ATRNL1: variants seen among roughly 807,000 people sequenced by gnomAD.
ATRNL1 encodes the protein attractin-like protein 1.
ATRNL1 carries 95 observed loss-of-function variants against 182.7 expected under a neutral mutation model. The ratio of observed to expected loss-of-function variants is 0.52; its 90% CI spans 0.44 to 0.62. The LOEUF (loss-of-function observed/expected upper bound fraction) is 0.62. Among genes scored for constraint, ATRNL1 ranks in the 20% least tolerant of loss-of-function variants. ATRNL1 has a pLI of 0.00. For missense variants in ATRNL1, 1,471 were observed against 1,679.5 expected, an observed-to-expected ratio of 0.88 and a Z score of 2.17; for synonymous variants, 576 against 568.3, an observed-to-expected ratio of 1.01 and a Z score of -0.19.
intron 24 of ATRNL1, among the ~76,000 whole-genome samples, chr10:115,500,766 C>T (rs1033809909): frequency 2.6e-5 from 4 of 151,934 alleles, no homozygotes; most frequent in African/African-American, 9.7e-5. Flanking sequence ...GTCTCGAACT[C>T]CCGACCTCAG....
At chr10:115,598,415 G>T (rs1417807490) in intron 26 of ATRNL1, among the ~76,000 whole-genome samples, 2 of 146,330 alleles carry the variant, frequency 1.4e-5, no homozygotes. Flanking sequence ...CCTGGCTGGG[G>T]TGCAGAGGCG....
chr10:115,944,599 C>G, intron 28 of ATRNL1, 59 bp from the exon 29 acceptor site: 1 of 1,488,032 alleles, frequency 6.7e-7, no homozygotes, highest in South Asian at 1.4e-5. Context: ...TTCACCACCA[C>G]TGTTGCCATC....
chr10:115,608,541 C>G (rs1555018156), intron 26 of ATRNL1, among the ~76,000 whole-genome samples: 2 of 151,980 alleles, frequency 1.3e-5, no homozygotes, highest in African/African-American at 4.8e-5. Flanking sequence ...ACAGTGGATT[C>G]ATTGTTATTA....
At chr10:115,294,243 G>A (rs981248006) in intron 15 of ATRNL1, among the ~76,000 whole-genome samples, 1 of 152,108 alleles carries the variant, frequency 6.6e-6, no homozygotes, top group Admixed American at 6.5e-5. Flanking sequence ...TAGCTACTTG[G>A]GACACTGAAG....
At chr10:115,429,043 T>G (rs1324571467) in intron 21 of ATRNL1, among the ~76,000 whole-genome samples, 5 of 152,056 alleles carry the variant, frequency 3.3e-5, no homozygotes, top group African/African-American at 4.8e-5. Context: ...CATTCTAGAG[T>G]GTGTATAGTG....
At chr10:115,184,392 G>A (rs1554888373) in intron 8 of ATRNL1, among the ~76,000 whole-genome samples, 1 of 150,314 alleles carries the variant, frequency 6.7e-6, no homozygotes, top group Non-Finnish European at 1.5e-5. Context: ...ACACAACTAT[G>A]TATATAACTA....
intron 8 of ATRNL1, among the ~76,000 whole-genome samples, chr10:115,173,190 A>G (rs782174608): frequency 2.0e-5 from 3 of 152,004 alleles, no homozygotes; most frequent in Non-Finnish European, 2.9e-5. Flanking sequence ...ACTCATGACA[A>G]CGTTGAGGCA....
At chr10:115,706,913 C>T (rs1405793508) in intron 26 of ATRNL1, among the ~76,000 whole-genome samples, 2 of 151,850 alleles carry the variant, frequency 1.3e-5, no homozygotes, top group Admixed American at 6.6e-5. Flanking sequence ...AACAACTAAG[C>T]ATGCTTCTAT....
chr10:115,325,323 A>C (rs79623528), intron 18 of ATRNL1, among the ~76,000 whole-genome samples: 2,109 of 152,254 alleles, frequency 0.014, 43 homozygotes, highest in African/African-American at 0.047. Context: ...TCTTATGTGC[A>C]AGCTGACATT....
chr10:115,894,631 G>T (rs1555112047), intron 28 of ATRNL1, among the ~76,000 whole-genome samples: 3 of 152,184 alleles, frequency 2.0e-5, no homozygotes, highest in Admixed American at 6.5e-5. Flanking sequence ...TCTTATGAAA[G>T]AAATTTTTAT....
At chr10:115,877,845 T>C (rs1589637958) in intron 28 of ATRNL1, among the ~76,000 whole-genome samples, 1 of 152,352 alleles carries the variant, frequency 6.6e-6, no homozygotes, top group East Asian at 1.9e-4. Flanking sequence ...TTCAAAAATA[T>C]TAACTAAGTC....
At chr10:115,637,317 G>A (rs528086043) in intron 26 of ATRNL1, among the ~76,000 whole-genome samples, 3 of 151,962 alleles carry the variant, frequency 2.0e-5, no homozygotes, top group Non-Finnish European at 4.4e-5. Flanking sequence ...AAGACATTCC[G>A]GTGTAATAAG....
intron 27 of ATRNL1, among the ~76,000 whole-genome samples, chr10:115,824,089 A>G (rs1488688920): frequency 3.3e-5 from 5 of 152,228 alleles, no homozygotes; most frequent in Non-Finnish European, 5.9e-5. Flanking sequence ...TATGTAGACC[A>G]ATGGAACAGA....
intron 27 of ATRNL1, among the ~76,000 whole-genome samples, chr10:115,804,877 A>G (rs138444764): frequency 0.013 from 2,036 of 152,282 alleles, 25 homozygotes; most frequent in Non-Finnish European, 0.02. Flanking sequence ...ATATATCTTA[A>G]TTTCTTTTAA....
chr10:115,723,174 A>G (rs1215881049), intron 26 of ATRNL1, among the ~76,000 whole-genome samples: 1 of 152,336 alleles, frequency 6.6e-6, no homozygotes, highest in Non-Finnish European at 1.5e-5. Context: ...CAAATAATTC[A>G]TAGAAGAGGT....
At chr10:115,733,913 GA>G (rs1420344022) in intron 27 of ATRNL1, among the ~76,000 whole-genome samples, 2 of 151,906 alleles carry the variant, frequency 1.3e-5, no homozygotes, top group Non-Finnish European at 2.9e-5. Context: ...TTCAGTGCCA[GA>G]ACTTTTATTT....
At chr10:115,183,748 T>C (rs1847834611) in intron 8 of ATRNL1, among the ~76,000 whole-genome samples, 2 of 151,556 alleles carry the variant, frequency 1.3e-5, no homozygotes, top group Admixed American at 1.3e-4. Flanking sequence ...CTGGATAGTC[T>C]CAATGCTATG....
At chr10:115,302,628 T>C (rs566857910) in intron 17 of ATRNL1, among the ~76,000 whole-genome samples, 1 of 152,348 alleles carries the variant, frequency 6.6e-6, no homozygotes, top group South Asian at 2.1e-4. Flanking sequence ...CTATGAGTTA[T>C]ACTTCAGGAG....
At chr10:115,793,457 A>G (rs1555082208) in intron 27 of ATRNL1, among the ~76,000 whole-genome samples, 7 of 152,166 alleles carry the variant, frequency 4.6e-5, no homozygotes. Context: ...ATATAATAGT[A>G]GCTCATTATC....
Sources: gnomAD v4.1 joint callset for allele counts (sites outside exome capture counted in the v4.1 genomes callset) on GRCh38, gnomAD v4.1.1 for gene constraint, MANE v1.5 for transcripts, NCBI Gene and HGNC (gene_info 2026-07-23, HGNC 2026-07-21) for gene names.